Variants in SH3D19 observed in about 807,000 individuals in gnomAD.
The protein encoded by SH3D19 is SH3 domain containing 19, also known as SH3 domain-containing protein 19.
In SH3D19, 58 loss-of-function variants were observed where a neutral mutation model predicts 112.1. That is an observed-to-expected ratio of 0.52 (90% CI 0.42 to 0.64). SH3D19 has a LOEUF of 0.64. Among genes scored for constraint, SH3D19 ranks in the 30% least tolerant of loss-of-function variants. The pLI, the probability that SH3D19 is intolerant of heterozygous loss-of-function variation, is 0.00. For missense variants in SH3D19, 1,090 were observed against 1,263.4 expected, an observed-to-expected ratio of 0.86 and a Z score of 2.08; for synonymous variants, 391 against 448.5, an observed-to-expected ratio of 0.87 and a Z score of 1.62.
At chr4:151,202,935 A>C (rs1764600024) in intron 2 of SH3D19, among the ~76,000 whole-genome samples, 1 of 152,180 alleles carries the variant, frequency 6.6e-6, no homozygotes, top group African/African-American at 2.4e-5. Flanking sequence ...GAGATTATAC[A>C]ACTGTTTCGG....
intron 17 of SH3D19, 103 bp downstream of exon 17, chr4:151,132,228 G>T: frequency 2.2e-6 from 2 of 906,926 alleles, no homozygotes; most frequent in Non-Finnish European, 3.4e-6. Flanking sequence ...TGTATGAATT[G>T]AAAAATTAAT....
chr4:151,273,953 T>C (rs992963278), intron 1 of SH3D19, among the ~76,000 whole-genome samples: 4 of 152,234 alleles, frequency 2.6e-5, no homozygotes, highest in African/African-American at 7.2e-5. Context: ...CCGGTTGTAA[T>C]GTTAATTTCA....
At chr4:151,224,258 G>A (rs1483513597) in intron 2 of SH3D19, among the ~76,000 whole-genome samples, 3 of 152,014 alleles carry the variant, frequency 2.0e-5, no homozygotes, top group African/African-American at 4.8e-5. Context: ...GCAGTGAGCC[G>A]AGATTGTGCC....
intron 1 of SH3D19, among the ~76,000 whole-genome samples, chr4:151,275,837 T>C (rs1773558100): frequency 1.8e-5 from 1 of 55,748 alleles, no homozygotes; most frequent in Admixed American, 2.5e-4. Flanking sequence ...ATTATTATTA[T>C]TATTATTATT....
rs1229268486 is a variant in SH3D19 at position 151,291,383 on chromosome 4, T to C, written c.112+33858A>G. On this transcript the variant is annotated intron_variant, in intron 1 of 19. Coordinates refer to ENST00000604030, the MANE Select transcript of SH3D19 (RefSeq NM_001378122.1). ...AACACTATACACAGAGTAGGCACTG[T>C]AGCTGAAGCTGTTGCTTGCATACAG... 4 of 1,613,936 alleles carry C rather than the reference T, an allele frequency of 2.5e-6. No homozygotes were observed. In the African/African-American group the frequency reaches 5.3e-5, roughly 22 times the overall value.
chr4:151,181,993 T>A (rs754588873), intron 3 of SH3D19, among the ~76,000 whole-genome samples: 48 of 152,058 alleles, frequency 3.2e-4, no homozygotes, highest in Non-Finnish European at 5.9e-4. Context: ...GGGTTTTTTT[T>A]TTTTTATTTT....
intron 1 of SH3D19, among the ~76,000 whole-genome samples, chr4:151,234,652 C>T (rs1242849904): frequency 3.3e-5 from 5 of 151,548 alleles, no homozygotes; most frequent in Non-Finnish European, 7.4e-5. Flanking sequence ...CTTTTAGTTC[C>T]CTGACTATCA....
intron 17 of SH3D19, among the ~76,000 whole-genome samples, chr4:151,131,533 C>T (rs559877785): frequency 1.3e-5 from 2 of 148,396 alleles, no homozygotes; most frequent in Admixed American, 6.8e-5. Context: ...GTCTCCCAGG[C>T]GGGAGTGCAG....
At chr4:151,296,965 T>C (rs1391797900) in intron 1 of SH3D19, among the ~76,000 whole-genome samples, 1 of 152,214 alleles carries the variant, frequency 6.6e-6, no homozygotes, top group Non-Finnish European at 1.5e-5. Context: ...CAAAGCTATA[T>C]TTTGATATTA....
chr4:151,212,956 T>C (rs778985883), intron 2 of SH3D19, among the ~76,000 whole-genome samples: 50 of 152,184 alleles, frequency 3.3e-4, no homozygotes, highest in Non-Finnish European at 4.1e-4. Flanking sequence ...CCAACCCCCA[T>C]GGATGACTTT....
chr4:151,162,306 G>A (rs756030517), intron 8 of SH3D19, among the ~76,000 whole-genome samples: 4 of 152,058 alleles, frequency 2.6e-5, no homozygotes, highest in Admixed American at 6.5e-5. Flanking sequence ...CTTCATCCAC[G>A]TCCCTGCAAA....
intron 9 of SH3D19, among the ~76,000 whole-genome samples, chr4:151,154,128 ATTTT>A (rs547926242): frequency 1.8e-5 from 2 of 108,694 alleles, no homozygotes; most frequent in Non-Finnish European, 2.0e-5. Flanking sequence ...CACCCGGCTG[ATTTT>A]TTTTTTTTTT....
intron 1 of SH3D19, among the ~76,000 whole-genome samples, chr4:151,287,464 G>T (rs1261936817): frequency 6.6e-6 from 1 of 151,966 alleles, no homozygotes; most frequent in African/African-American, 2.4e-5. Context: ...ATGAACAGAG[G>T]TGTAAAAATC....
At chr4:151,271,697 GT>G (rs748604655) in intron 1 of SH3D19, among the ~76,000 whole-genome samples, 113 of 152,248 alleles carry the variant, frequency 7.4e-4, no homozygotes, top group Non-Finnish European at 1.4e-3. Context: ...AAGATAAACT[GT>G]TTGGGTAGAA....
At chr4:151,237,103 A>G (rs571994571) in intron 1 of SH3D19, among the ~76,000 whole-genome samples, 11 of 152,146 alleles carry the variant, frequency 7.2e-5, no homozygotes, top group South Asian at 4.2e-4. Context: ...GAGCTGTAAC[A>G]TGCACCGCGA....
intron 1 of SH3D19, among the ~76,000 whole-genome samples, chr4:151,316,406 G>C (rs964380593): frequency 2.6e-5 from 4 of 151,994 alleles, no homozygotes; most frequent in Non-Finnish European, 5.9e-5. Context: ...CAAAAACTAA[G>C]GAAATCTGAA....
At position 151,304,730 on chromosome 4, in the gene SH3D19, C is replaced by T. The variant is rs188457682; in HGVS notation, c.112+20511G>A. ...TTTGAGGAATACAGGCTTTGAATAG[C>T]TCCCACATATTCCTGGGAATCTAGA... On this transcript the variant is annotated intron_variant, in intron 1 of 19. Coordinates refer to ENST00000604030, the MANE Select transcript of SH3D19 (RefSeq NM_001378122.1). Among the ~76,000 whole-genome samples the T allele has an allele frequency of 5.4e-3, 824 of 152,228 alleles. 8 individuals carry two copies. The highest frequency in any genetic ancestry group is 0.018 in the African/African-American group (732 of 41,526).
intron 17 of SH3D19, among the ~76,000 whole-genome samples, chr4:151,130,906 C>G (rs986527089): frequency 6.6e-6 from 1 of 151,374 alleles, no homozygotes; most frequent in Admixed American, 6.6e-5. Flanking sequence ...CGCCACTGCA[C>G]TCCAGCCTGG....
intron 2 of SH3D19, among the ~76,000 whole-genome samples, chr4:151,206,544 G>A (rs887433741): frequency 6.6e-6 from 1 of 151,912 alleles, no homozygotes; most frequent in African/African-American, 2.4e-5. Flanking sequence ...TAATCTATAT[G>A]GAAATAAATT....
Sources: gnomAD v4.1 joint callset for allele counts (sites outside exome capture counted in the v4.1 genomes callset) on GRCh38, gnomAD v4.1.1 for gene constraint, MANE v1.5 for transcripts, NCBI Gene and HGNC (gene_info 2026-07-23, HGNC 2026-07-21) for gene names.